Variants in ITPKB observed in about 807,000 individuals in gnomAD.
ITPKB encodes IP3 3-kinase B.
In ITPKB, 13 loss-of-function variants were observed where a neutral mutation model predicts 69.4. That is an observed-to-expected ratio of 0.19 (90% CI 0.12 to 0.30). The LOEUF (loss-of-function observed/expected upper bound fraction) is 0.30, where lower values mean the gene tolerates loss of function less well. Ranked by LOEUF, ITPKB falls within the 10% of genes least tolerant of loss-of-function variation. The pLI, the probability that ITPKB is intolerant of heterozygous loss-of-function variation, is 1.00. For missense variants in ITPKB, 1,240 were observed against 1,250.5 expected (o/e 0.99, Z 0.13); for synonymous variants, 584 against 513.7 (o/e 1.14, Z -1.85).
chr1:226,718,129 A>T (rs1657139040), intron 2 of ITPKB, among the ~76,000 whole-genome samples: 1 of 151,980 alleles, frequency 6.6e-6, no homozygotes, highest in African/African-American at 2.4e-5. Flanking sequence ...CCTCGTCTCT[A>T]CTAAAAATAC....
chr1:226,706,368 T>G (rs967696583), intron 2 of ITPKB, among the ~76,000 whole-genome samples: 6 of 152,172 alleles, frequency 3.9e-5, no homozygotes, highest in Non-Finnish European at 8.8e-5. Flanking sequence ...ATACCTAGGG[T>G]TCTTGACAGA....
chr1:226,646,737 C>T (rs967668338), intron 4 of ITPKB, among the ~76,000 whole-genome samples: 1 of 152,176 alleles, frequency 6.6e-6, no homozygotes, highest in African/African-American at 2.4e-5. Context: ...CTCACCAGGG[C>T]TGGGGAAATG....
intron 2 of ITPKB, chr1:226,707,922 G>A (rs1313100966): frequency 7.5e-7 from 1 of 1,331,406 alleles, no homozygotes; most frequent in Non-Finnish European, 9.9e-7. Flanking sequence ...GTCACTAAAG[G>A]GAGAAGAAAA....
At chr1:226,635,685 TG>T (rs1383208373) in intron 7 of ITPKB, among the ~76,000 whole-genome samples, 1 of 152,236 alleles carries the variant, frequency 6.6e-6, no homozygotes, top group Non-Finnish European at 1.5e-5. Flanking sequence ...GTGAAGAACC[TG>T]TTTCAAATGC....
intron 2 of ITPKB, among the ~76,000 whole-genome samples, chr1:226,670,434 A>G (rs1669592212): frequency 6.6e-6 from 1 of 152,228 alleles, no homozygotes; most frequent in Admixed American, 6.5e-5. Context: ...CAAGATGTTA[A>G]TTATGCCATT....
At chr1:226,719,148 G>A (rs1007032427) in intron 2 of ITPKB, among the ~76,000 whole-genome samples, 19 of 152,258 alleles carry the variant, frequency 1.2e-4, no homozygotes, top group Middle Eastern at 6.8e-3. Flanking sequence ...TTGTGGTGGC[G>A]TACGCCTGTA....
chr1:226,730,013 C>T (rs1657540567), intron 2 of ITPKB, among the ~76,000 whole-genome samples: 1 of 152,148 alleles, frequency 6.6e-6, no homozygotes, highest in Non-Finnish European at 1.5e-5. Flanking sequence ...ATAGTTTACT[C>T]CTGGAAAAAT....
chr1:226,703,846 G>C (rs907097788), intron 2 of ITPKB, among the ~76,000 whole-genome samples: 1 of 152,164 alleles, frequency 6.6e-6, no homozygotes. Context: ...TTGCAAAATG[G>C]GTATACTTTT....
intron 2 of ITPKB, among the ~76,000 whole-genome samples, chr1:226,725,757 G>A (rs1460988880): frequency 3.3e-5 from 5 of 152,138 alleles, no homozygotes; most frequent in East Asian, 1.9e-4. Flanking sequence ...AGGAGGCTGC[G>A]TCCACAGTCT....
rs183960496 is a variant in ITPKB, at chr1:226,642,375, G to A, written c.2247-250C>T. Among the ~76,000 whole-genome samples, 359 of 151,720 alleles carry A rather than the reference G, an allele frequency of 2.4e-3. 2 individuals are homozygous for A. Among genetic ancestry groups the A allele is most frequent in the Admixed American group, 5.6e-3 (85 of 15,242 alleles). On this transcript the variant is annotated intron_variant, in intron 4 of 7. Coordinates refer to ENST00000429204, the MANE Select transcript of ITPKB (RefSeq NM_002221.4). The surrounding 1 kb of genome is among the most constrained non-coding windows in gnomAD (Gnocchi z 6.4). The stretch of plus-strand genomic sequence containing the variant: ...GTAGATAAGGGAGTCTCGCTATGTT[G>A]CCCCGGCTGGTCTCAAACTTCTAGC...
intron 2 of ITPKB, chr1:226,676,138 A>C (rs1431712293): frequency 6.6e-6 from 1 of 152,242 alleles, no homozygotes; most frequent in Non-Finnish European, 1.5e-5. Context: ...TAGTAAAATG[A>C]ACATCTGGCT....
intron 2 of ITPKB, among the ~76,000 whole-genome samples, chr1:226,651,321 G>A (rs892626008): frequency 6.6e-6 from 1 of 152,140 alleles, no homozygotes; most frequent in Admixed American, 6.5e-5. Context: ...CCCGAGTCCC[G>A]GCTCCCCTTT....
intron 2 of ITPKB, among the ~76,000 whole-genome samples, chr1:226,695,584 C>A (rs1036760344): frequency 6.6e-6 from 1 of 152,172 alleles, no homozygotes; most frequent in Non-Finnish European, 1.5e-5. Flanking sequence ...GCCAGCTGCC[C>A]GAGCATTGAA....
intron 2 of ITPKB, among the ~76,000 whole-genome samples, chr1:226,657,833 C>T (rs12739464): frequency 0.11 from 17,169 of 152,208 alleles, 1,230 homozygotes; most frequent in East Asian, 0.25. Context: ...TCATCTCTCT[C>T]GGACCTGGGG....
intron 2 of ITPKB, among the ~76,000 whole-genome samples, chr1:226,656,052 C>T (rs912163139): frequency 6.6e-6 from 1 of 152,222 alleles, no homozygotes; most frequent in Non-Finnish European, 1.5e-5. Context: ...AGGGACTTTG[C>T]AGAAGAATGA....
At chr1:226,656,911 C>T (rs1328488310) in intron 2 of ITPKB, 1 of 152,234 alleles carries the variant, frequency 6.6e-6, no homozygotes, top group Non-Finnish European at 1.5e-5. Context: ...GACAGGCAAA[C>T]CTTCCAGGCT....
Position 226,735,729 on chromosome 1 carries a change from T to C in ITPKB, c.1730A>G (p.Gln577Arg), listed in dbSNP as rs1394738636. ...CGTCTCCTCCAAGGCCCCATCCTCC[T>C]GGGTGCCCATGTCTGTAATGATGAC... is the stretch of plus-strand genomic sequence containing the variant. The part of the protein sequence containing the change: ...PAVIITDMGT[Q>R]EDGALEETQG... Residue 577 changes from glutamine (Q) to arginine (R), a missense_variant, in exon 2 of 8, where the codon CAG becomes CGG. This residue lies in a region of ITPKB where 992 missense variants were observed against 853.8 expected (regional missense o/e 1.16). Transcript: ENST00000429204. 1.9e-6 allele frequency: 3 copies of C among 1,586,574 alleles called. No homozygotes were observed. The highest frequency in any genetic ancestry group is 2.6e-6 in the Non-Finnish European group (3 of 1,162,798).
rs376485416 is a variant in ITPKB, at chr1:226,647,150, C to A, written c.2246+17G>T. 1.9e-6 allele frequency: 3 copies of A among 1,612,110 alleles called. No homozygotes were observed. Among genetic ancestry groups the A allele is most frequent in the South Asian group, 2.2e-5 (2 of 91,056 alleles). On this transcript the variant is annotated intron_variant, in intron 4 of 7. Transcript: ENST00000429204. ...TGCACTGAGGCAGGCATGTGGGCTG[C>A]GAGAAGCCTGGCTCACCTGATTCCC... is the stretch of plus-strand genomic sequence containing the variant.
intron 2 of ITPKB, among the ~76,000 whole-genome samples, chr1:226,670,153 C>T (rs549861812): frequency 7.7e-5 from 9 of 116,968 alleles, no homozygotes; most frequent in Admixed American, 3.7e-4. Context: ...GGATTACAGG[C>T]GTGAGCCACC....
Sources: gnomAD v4.1 joint callset for allele counts (sites outside exome capture counted in the v4.1 genomes callset) on GRCh38, gnomAD v4.1.1 for gene constraint, gnomAD v4.1.1 regional missense constraint, Gnocchi (gnomAD v3.1) non-coding constraint, MANE v1.5 for transcripts, NCBI Gene and HGNC (gene_info 2026-07-23, HGNC 2026-07-21) for gene names.